The following FHIP2A variants were observed in gnomAD, a reference collection of about 807,000 sequenced individuals.
FHIP2A encodes the protein FHF complex subunit HOOK interacting protein 2A, also known as family with sequence similarity 160 member B1.
A neutral mutation model predicts 93.5 loss-of-function variants in FHIP2A; 46 were observed. The observed-to-expected ratio is 0.49, with a 90% CI of 0.39 to 0.63. FHIP2A has a LOEUF of 0.63. FHIP2A is among the 20% of genes least tolerant of loss of function. The pLI is 0.00. For missense variants in FHIP2A, 769 were observed against 909.7 expected, an observed-to-expected ratio of 0.85 and a Z score of 1.99; for synonymous variants, 332 against 326.5, an observed-to-expected ratio of 1.02 and a Z score of -0.18.
intron 16 of FHIP2A, among the ~76,000 whole-genome samples, chr10:114,896,066 G>A (rs538156305): frequency 6.6e-6 from 1 of 152,190 alleles, no homozygotes; most frequent in East Asian, 1.9e-4. Context: ...AGAAAAAGGT[G>A]TTACTCCATG....
At chr10:114,878,277 A>G (rs1410193135) in intron 16 of FHIP2A, among the ~76,000 whole-genome samples, 1 of 152,224 alleles carries the variant, frequency 6.6e-6, no homozygotes, top group African/African-American at 2.4e-5. Context: ...TCACAACTAC[A>G]GTGGAACACG....
downstream of FHIP2A, among the ~76,000 whole-genome samples, chr10:114,865,966 TG>T (rs1393653267): frequency 6.6e-6 from 1 of 152,140 alleles, no homozygotes; most frequent in East Asian, 1.9e-4. Context: ...TCTGTTTGTT[TG>T]TTTTTTTTAA....
exon 17 of FHIP2A, chr10:114,899,666 T>C (rs752292765): frequency 1.3e-5 from 8 of 594,134 alleles, no homozygotes; most frequent in Non-Finnish European, 2.4e-5. Context: ...CTGAATCACC[T>C]ATCCCATGCC....
At chr10:114,827,823 A>G (rs970209541) in intron 1 of FHIP2A, among the ~76,000 whole-genome samples, 15 of 150,682 alleles carry the variant, frequency 1.0e-4, no homozygotes, top group African/African-American at 1.7e-4. Flanking sequence ...AAAGAGTATC[A>G]AGGCATATAT....
intron 16 of FHIP2A, among the ~76,000 whole-genome samples, chr10:114,897,262 T>G (rs892153492): frequency 6.6e-6 from 1 of 152,190 alleles, no homozygotes; most frequent in African/African-American, 2.4e-5. Context: ...GCTAGCCAAT[T>G]GGGACAAATA....
chr10:114,878,538 G>A (rs1187306818), intron 16 of FHIP2A, among the ~76,000 whole-genome samples: 5 of 152,186 alleles, frequency 3.3e-5, no homozygotes, highest in Non-Finnish European at 7.3e-5. Flanking sequence ...CAGCACTTTG[G>A]GAGGCCGAGG....
In FHIP2A at chr10:114,863,561, G is replaced by A. The variant is rs188479166; in HGVS notation, c.*2021G>A. On this transcript the variant is annotated 3_prime_UTR_variant, in exon 17 of 17. Coordinates refer to ENST00000369248, the MANE Select transcript of FHIP2A (RefSeq NM_020940.4). ...TATAATTTTTCTAAGTTGTTGTAAT[G>A]ACTTTAATTTGTAATCAGCTAAGGC... 2.5e-3 allele frequency: 3,067 copies of A among 1,204,834 alleles called. 9 individuals carry two copies. Among genetic ancestry groups the A allele is most frequent in the Non-Finnish European group, 3.0e-3 (2,859 of 951,842 alleles). The allele number at this position is 1,204,834 out of a possible 1,614,324, so 74.6% of individuals were successfully genotyped here. A position where few individuals can be genotyped will look rare whatever the true frequency, so the allele number is the denominator to read the frequency against.
chr10:114,879,111 GA>G (rs1278479339), intron 16 of FHIP2A, among the ~76,000 whole-genome samples: 1 of 152,128 alleles, frequency 6.6e-6, no homozygotes, highest in African/African-American at 2.4e-5. Flanking sequence ...TTATAGATAA[GA>G]AAACTGAGGC....
At chr10:114,865,295 A>G (rs2083823192), downstream of FHIP2A, among the ~76,000 whole-genome samples, 2 of 152,082 alleles carry the variant, frequency 1.3e-5, no homozygotes, top group South Asian at 4.1e-4. Context: ...GCCCAGAAAA[A>G]CAATTTATTC....
chr10:114,850,962 G>T (rs1296784416), intron 13 of FHIP2A, among the ~76,000 whole-genome samples: 1 of 152,184 alleles, frequency 6.6e-6, no homozygotes, highest in Non-Finnish European at 1.5e-5. Context: ...CATCCAGGCG[G>T]GAATGCAGTG....
At chr10:114,899,219 T>G (rs1485895116) in intron 16 of FHIP2A, among the ~76,000 whole-genome samples, 1 of 152,230 alleles carries the variant, frequency 6.6e-6, no homozygotes, top group East Asian at 1.9e-4. Context: ...TTAGGGGTGA[T>G]TTGTTGCATA....
intron 14 of FHIP2A, among the ~76,000 whole-genome samples, chr10:114,860,413 C>T (rs1212441200): frequency 1.3e-5 from 2 of 151,982 alleles, no homozygotes; most frequent in Admixed American, 6.6e-5. Flanking sequence ...AGTGCAGTGG[C>T]GTGATCTCGG....
At chr10:114,890,323 C>G (rs556365067) in intron 16 of FHIP2A, among the ~76,000 whole-genome samples, 1 of 152,098 alleles carries the variant, frequency 6.6e-6, no homozygotes, top group African/African-American at 2.4e-5. Flanking sequence ...GCACCATGCC[C>G]AGCCTAACCA....
downstream of FHIP2A, chr10:114,864,718 C>CAA: frequency 1.0e-6 from 1 of 979,302 alleles, no homozygotes; most frequent in Non-Finnish European, 1.2e-6. Context: ...TTAAACAAAA[C>CAA]GTCTTATGTT....
rs1309235767 is a variant in FHIP2A at position 114,822,131 on chromosome 10, C to T, written c.45+8C>T. 3.8e-6 allele frequency: 5 copies of T among 1,318,246 alleles called. No homozygotes were observed. The highest frequency in any genetic ancestry group is 1.5e-5 in the African/African-American group (1 of 65,750). The allele number at this position is 1,318,246 out of a possible 1,614,324, so 81.7% of individuals were successfully genotyped here. On this transcript the variant is annotated splice_region_variant and intron_variant, in intron 1 of 16. Coordinates refer to ENST00000369248, the MANE Select transcript of FHIP2A (RefSeq NM_020940.4). The stretch of plus-strand genomic sequence containing the variant: ...CAGCACGCCGTGGAGGCGGTAAGGC[C>T]GCGGGCTGCGGGCGCACGGCAGGCC...
At chr10:114,871,215 C>T (rs971248241) in intron 16 of FHIP2A, among the ~76,000 whole-genome samples, 4 of 151,682 alleles carry the variant, frequency 2.6e-5, no homozygotes, top group South Asian at 2.1e-4. Context: ...TGCAGTGGAA[C>T]GATCATAGCA....
At position 114,887,588 on chromosome 10, in the gene FHIP2A, C is replaced by T. The variant is rs534000603; in HGVS notation, c.2193-11902C>T. The stretch of plus-strand genomic sequence containing the variant: ...GCTGTGAAGTCTGTGCACTCAGCCA[C>T]GGGCTATGTTGCCGTTCATTAGTTA... On this transcript the variant is annotated intron_variant, in intron 16 of 16. Coordinates refer to the FHIP2A transcript ENST00000369250. Among the ~76,000 whole-genome samples, 323 of 152,334 alleles carry T rather than the reference C, an allele frequency of 2.1e-3. 1 individual carries two copies. The highest frequency in any genetic ancestry group is 3.8e-3 in the Non-Finnish European group (260 of 68,030).
At chr10:114,839,642 G>A in intron 5 of FHIP2A, among the ~76,000 whole-genome samples, 1 of 151,994 alleles carries the variant, frequency 6.6e-6, no homozygotes, top group East Asian at 1.9e-4. Flanking sequence ...ACTTTGGTAG[G>A]CTGAGGCGGG....
At chr10:114,875,892 GAGAA>G (rs1262130206) in intron 16 of FHIP2A, among the ~76,000 whole-genome samples, 5 of 71,854 alleles carry the variant, frequency 7.0e-5, no homozygotes, top group East Asian at 9.9e-4. Context: ...AAGAAAGAGA[GAGAA>G]AGAAATAAAG....
Sources: gnomAD v4.1 joint callset for allele counts (sites outside exome capture counted in the v4.1 genomes callset) on GRCh38, gnomAD v4.1.1 for gene constraint, MANE v1.5 for transcripts, NCBI Gene and HGNC (gene_info 2026-07-23, HGNC 2026-07-21) for gene names.